The following CCSER1 variants were observed in gnomAD, a reference collection of about 807,000 sequenced individuals.
The protein encoded by CCSER1 is coiled-coil serine rich protein 1.
In CCSER1, 41 loss-of-function variants were observed where a neutral mutation model predicts 82.0. That is an observed-to-expected ratio of 0.50 (90% CI 0.39 to 0.65). The LOEUF is 0.65. CCSER1 is among the 30% of genes least tolerant of loss of function. The pLI, the probability that CCSER1 is intolerant of heterozygous loss-of-function variation, is 0.00. For synonymous variants in CCSER1, 414 were observed against 383.9 expected (o/e 1.08, Z -0.92); for missense variants, 1,119 against 1,064.2 (o/e 1.05, Z -0.72).
intron 7 of CCSER1, among the ~76,000 whole-genome samples, chr4:90,807,385 G>A (rs984829782): frequency 4.6e-5 from 7 of 152,116 alleles, no homozygotes; most frequent in African/African-American, 1.7e-4. Flanking sequence ...CTGTAAAAGA[G>A]GTGGAACAGA....
At chr4:91,092,122 C>T (rs186029857) in intron 10 of CCSER1, among the ~76,000 whole-genome samples, 2 of 152,272 alleles carry the variant, frequency 1.3e-5, no homozygotes, top group East Asian at 1.9e-4. Context: ...TCTTGATATA[C>T]TTTCCCTAAA....
intron 8 of CCSER1, among the ~76,000 whole-genome samples, chr4:90,853,513 A>G (rs1764113412): frequency 6.6e-6 from 1 of 152,162 alleles, no homozygotes; most frequent in Admixed American, 6.5e-5. Flanking sequence ...TTTGATCAAT[A>G]TGTTATTGAT....
At chr4:90,428,339 G>T (rs906867015) in intron 4 of CCSER1, among the ~76,000 whole-genome samples, 4 of 151,770 alleles carry the variant, frequency 2.6e-5, no homozygotes, top group African/African-American at 9.7e-5. Flanking sequence ...AATACATACA[G>T]TTAGACCTTG....
chr4:91,058,417 C>T (rs368496732), intron 9 of CCSER1, among the ~76,000 whole-genome samples: 46 of 152,220 alleles, frequency 3.0e-4, no homozygotes, highest in African/African-American at 1.1e-3. Flanking sequence ...TCTCAATAGA[C>T]CAACATGTTC....
chr4:91,593,437 A>AT (rs1433344326), intron 10 of CCSER1, among the ~76,000 whole-genome samples: 2 of 109,876 alleles, frequency 1.8e-5, no homozygotes, highest in Non-Finnish European at 3.9e-5. Context: ...TGAAATAAAT[A>AT]TTTTTAACTG....
intron 5 of CCSER1, among the ~76,000 whole-genome samples, chr4:90,512,684 A>G (rs995471524): frequency 1.3e-5 from 2 of 152,180 alleles, no homozygotes; most frequent in South Asian, 4.1e-4. Context: ...ATAAAATGAT[A>G]CCTTTGTACT....
chr4:91,222,876 G>T (rs757395082), intron 10 of CCSER1, among the ~76,000 whole-genome samples: 8 of 152,064 alleles, frequency 5.3e-5, no homozygotes, highest in Non-Finnish European at 1.2e-4. Context: ...CATGTGGCTG[G>T]TGGCTACTAT....
chr4:90,767,805 C>T (rs1751472746), intron 7 of CCSER1, among the ~76,000 whole-genome samples: 1 of 152,060 alleles, frequency 6.6e-6, no homozygotes, highest in Non-Finnish European at 1.5e-5. Flanking sequence ...GTAGCTGGAA[C>T]TACAGGTGTG....
At chr4:90,294,610 C>T (rs913754508) in intron 1 of CCSER1, among the ~76,000 whole-genome samples, 5 of 151,982 alleles carry the variant, frequency 3.3e-5, no homozygotes, top group Admixed American at 1.3e-4. Flanking sequence ...GCTTTTAAGA[C>T]ATTTACATGC....
chr4:90,373,199 G>A (rs1484487738), intron 3 of CCSER1, among the ~76,000 whole-genome samples: 1 of 152,084 alleles, frequency 6.6e-6, no homozygotes, highest in East Asian at 1.9e-4. Flanking sequence ...TGGATGGTAT[G>A]TAATGAAGTG....
chr4:90,728,071 T>A (rs1744000487), intron 7 of CCSER1, among the ~76,000 whole-genome samples: 1 of 152,154 alleles, frequency 6.6e-6, no homozygotes, highest in Non-Finnish European at 1.5e-5. Flanking sequence ...ACCTAATTCA[T>A]TGCATTTCTT....
intron 3 of CCSER1, among the ~76,000 whole-genome samples, chr4:90,335,264 T>C (rs1380627014): frequency 1.3e-5 from 2 of 152,324 alleles, no homozygotes; most frequent in Admixed American, 1.3e-4. Context: ...TATAGGCTTC[T>C]TCATTGACAG....
intron 9 of CCSER1, among the ~76,000 whole-genome samples, chr4:91,068,841 A>G (rs1426069646): frequency 1.3e-5 from 2 of 152,176 alleles, no homozygotes; most frequent in Non-Finnish European, 2.9e-5. Context: ...TTTAGTTGAA[A>G]TCGTTTAGGT....
chr4:91,259,874 A>G (rs1013506649), intron 10 of CCSER1, among the ~76,000 whole-genome samples: 14 of 152,154 alleles, frequency 9.2e-5, no homozygotes, highest in Admixed American at 7.2e-4. Flanking sequence ...AGTCTTTGCT[A>G]TTGTGAATAG....
At chr4:90,932,355 G>T (rs1056174197) in intron 9 of CCSER1, among the ~76,000 whole-genome samples, 1 of 152,024 alleles carries the variant, frequency 6.6e-6, no homozygotes, top group Admixed American at 6.6e-5. Flanking sequence ...CACATTAGAG[G>T]ACATTTATTT....
intron 4 of CCSER1, among the ~76,000 whole-genome samples, chr4:90,459,020 A>G (rs1762532592): frequency 6.6e-6 from 1 of 152,106 alleles, no homozygotes; most frequent in Admixed American, 6.5e-5. Flanking sequence ...ATGCATATGT[A>G]TGTGTTTATA....
At chr4:91,236,351 C>T (rs908076578) in intron 10 of CCSER1, among the ~76,000 whole-genome samples, 2 of 151,926 alleles carry the variant, frequency 1.3e-5, no homozygotes, top group Non-Finnish European at 2.9e-5. Context: ...CTGGGTGTGG[C>T]GGCCACTTGT....
At chr4:91,051,087 A>G (rs1024122070) in intron 9 of CCSER1, among the ~76,000 whole-genome samples, 22 of 152,264 alleles carry the variant, frequency 1.4e-4, no homozygotes, top group South Asian at 1.0e-3. Context: ...GAAAACTTCA[A>G]GATTTAGAGG....
chr4:90,254,856 T>G (rs1030089420), intron 1 of CCSER1, among the ~76,000 whole-genome samples: 9 of 152,150 alleles, frequency 5.9e-5, no homozygotes, highest in Non-Finnish European at 1.0e-4. Flanking sequence ...GTGGTTACTT[T>G]ATATAATTTT....
Sources: gnomAD v4.1 joint callset for allele counts (sites outside exome capture counted in the v4.1 genomes callset) on GRCh38, gnomAD v4.1.1 for gene constraint, MANE v1.5 for transcripts, NCBI Gene and HGNC (gene_info 2026-07-23, HGNC 2026-07-21) for gene names.